THSD7A: variants seen among roughly 807,000 people sequenced by gnomAD.
THSD7A encodes the protein thrombospondin type 1 domain containing 7A.
A neutral mutation model predicts 231.3 loss-of-function variants in THSD7A; 96 were observed. The observed-to-expected ratio is 0.41, with a 90% CI of 0.35 to 0.49. The LOEUF is 0.49. Ranked by LOEUF, THSD7A falls within the 20% of genes least tolerant of loss-of-function variation. The pLI is 0.05. For synonymous variants in THSD7A, 940 were observed against 743.3 expected (o/e 1.26, Z -4.30); for missense variants, 2,290 against 2,070.2 (o/e 1.11, Z -2.06).
At chr7:11,686,228 G>A (rs929205189) in intron 1 of THSD7A, among the ~76,000 whole-genome samples, 1 of 151,730 alleles carries the variant, frequency 6.6e-6, no homozygotes, top group Non-Finnish European at 1.5e-5. Context: ...AAAACTAACT[G>A]TTAGGTACTA....
chr7:11,638,881 T>C lies in THSD7A; in HGVS notation c.191-1920A>G, dbSNP rs117966568. Among the ~76,000 whole-genome samples, 137 of 152,264 alleles carry C rather than the reference T, an allele frequency of 9.0e-4. 1 individual carries two copies. The East Asian group carries it at 0.024, about 27-fold the overall frequency. On this transcript the variant is annotated intron_variant, in intron 1 of 27. Transcript: ENST00000423059. ...AAATATATATTCACAAATCTGGTGA[T>C]ACTTTCTTAAAGATTTTTCTAAATA...
chr7:11,782,067 T>G (rs930350364), intron 1 of THSD7A, among the ~76,000 whole-genome samples: 5 of 152,190 alleles, frequency 3.3e-5, no homozygotes, highest in African/African-American at 1.2e-4. Context: ...CCTGGGAAGA[T>G]ACAGTCACCT....
In THSD7A at chr7:11,503,630, C is replaced by T. The variant is rs538403860; in HGVS notation, c.1823-21648G>A. ...TTTACACAAGAAAAACAAACGACTCCATTAAAAAGTGGGCAAAGGACATGA... is the reference window on the plus strand; with the variant it reads ...TTTACACAAGAAAAACAAACGACTCTATTAAAAAGTGGGCAAAGGACATGA... On this transcript the variant is annotated intron_variant, in intron 6 of 27. Transcript: ENST00000423059. Among the ~76,000 whole-genome samples the T allele has an allele frequency of 2.6e-5, 4 of 152,126 alleles. No individual in the cohort carries two copies. The South Asian group carries it at 8.3e-4, about 32-fold the overall frequency.
intron 1 of THSD7A, among the ~76,000 whole-genome samples, chr7:11,646,410 T>G (rs1397439253): frequency 6.6e-6 from 1 of 152,066 alleles, no homozygotes; most frequent in Non-Finnish European, 1.5e-5. Context: ...TTTGAAGACA[T>G]GACAAGTCTT....
intron 5 of THSD7A, among the ~76,000 whole-genome samples, 196 bp downstream of exon 5, chr7:11,542,766 C>A (rs1030641565): frequency 1.9e-4 from 29 of 152,202 alleles, no homozygotes; most frequent in African/African-American, 7.0e-4. Context: ...AATTAACAAG[C>A]ATTTATGCCT....
chr7:11,760,718 G>A (rs775026063), intron 1 of THSD7A, among the ~76,000 whole-genome samples: 3 of 151,874 alleles, frequency 2.0e-5, no homozygotes, highest in Non-Finnish European at 4.4e-5. Flanking sequence ...CACATACTAT[G>A]TTAATAATAT....
At chr7:11,711,347 C>T (rs148746746) in intron 1 of THSD7A, among the ~76,000 whole-genome samples, 1 of 150,890 alleles carries the variant, frequency 6.6e-6, no homozygotes, top group African/African-American at 2.4e-5. Context: ...TAGGCTCTGC[C>T]GATTATTTGT....
At position 11,831,773 on chromosome 7, in the gene THSD7A, G is replaced by A; in HGVS notation, c.174C>T (p.Leu58=). The part of the protein sequence containing the change: ...AAQGEAEAPT[L]YLWKTGPWGR... ...CCCACTTACCAGTCTTCCACAGATA[G>A]AGGGTGGGCGCCTCCGCCTCGCCCT... Residue 58 remains leucine, a synonymous_variant, in exon 1 of 28, where the codon CTC becomes CTT. Transcript: ENST00000423059. This position sits in a 1 kb window ranked among gnomAD's most constrained non-coding sequence, Gnocchi z 5.0. 1 of 1,479,348 alleles carries A rather than the reference G, an allele frequency of 6.8e-7. No individual in the cohort carries two copies. Among genetic ancestry groups the A allele is most frequent in the Non-Finnish European group, 9.0e-7 (1 of 1,111,918 alleles). 91.6% of individuals were successfully genotyped at this position (1,479,348 alleles called of 1,614,324 possible).
chr7:11,670,946 G>A (rs989877723), intron 1 of THSD7A, among the ~76,000 whole-genome samples: 1 of 152,134 alleles, frequency 6.6e-6, no homozygotes, highest in African/African-American at 2.4e-5. Flanking sequence ...GTCTTAAATG[G>A]TGAGTCTCCT....
intron 1 of THSD7A, among the ~76,000 whole-genome samples, chr7:11,685,627 T>A (rs1208626810): frequency 6.6e-6 from 1 of 151,858 alleles, no homozygotes; most frequent in Non-Finnish European, 1.5e-5. Context: ...AAAGAGCTCA[T>A]CATCACTAAT....
chr7:11,746,249 C>A (rs1782297722), intron 1 of THSD7A, among the ~76,000 whole-genome samples: 1 of 151,840 alleles, frequency 6.6e-6, no homozygotes, highest in South Asian at 2.1e-4. Context: ...ACAGAGTTCC[C>A]ATATAGCCCT....
At chr7:11,793,389 T>C (rs1041551781) in intron 1 of THSD7A, among the ~76,000 whole-genome samples, 2 of 151,878 alleles carry the variant, frequency 1.3e-5, no homozygotes, top group African/African-American at 4.8e-5. Context: ...TTGAAAACAT[T>C]TCTGCCTCTG....
chr7:11,599,195 C>T (rs1780468312), intron 2 of THSD7A, among the ~76,000 whole-genome samples: 1 of 152,146 alleles, frequency 6.6e-6, no homozygotes, highest in Non-Finnish European at 1.5e-5. Context: ...TATTACCATG[C>T]CCTGTGATTA....
chr7:11,808,432 T>G (rs1406761192), intron 1 of THSD7A, among the ~76,000 whole-genome samples: 1 of 152,196 alleles, frequency 6.6e-6, no homozygotes, highest in East Asian at 1.9e-4. Context: ...ACCTTGGTCT[T>G]TGACTTCCCA....
intron 4 of THSD7A, among the ~76,000 whole-genome samples, chr7:11,559,696 C>T (rs1026871263): frequency 2.0e-5 from 3 of 151,810 alleles, no homozygotes; most frequent in African/African-American, 7.3e-5. Flanking sequence ...TTGCAAAAGG[C>T]TAAAATTAAC....
At chr7:11,390,358 T>TCAATCTCTGA (rs1782932468) in intron 23 of THSD7A, among the ~76,000 whole-genome samples, 1 of 152,256 alleles carries the variant, frequency 6.6e-6, no homozygotes, top group Non-Finnish European at 1.5e-5. Context: ...AAGTTGATCT[T>TCAATCTCTGA]CAATCTCTGA....
chr7:11,555,405 A>T (rs1012414075), intron 4 of THSD7A, among the ~76,000 whole-genome samples: 2 of 151,826 alleles, frequency 1.3e-5, no homozygotes, highest in Non-Finnish European at 1.5e-5. Flanking sequence ...TTTTGATTGA[A>T]TTCTAATTTG....
At chr7:11,518,194 C>T (rs912526330) in intron 6 of THSD7A, among the ~76,000 whole-genome samples, 6 of 152,120 alleles carry the variant, frequency 3.9e-5, no homozygotes, top group Non-Finnish European at 7.4e-5. Context: ...TACTATCTTA[C>T]AGTTTAAATT....
At chr7:11,631,123 C>T (rs1280133118) in intron 2 of THSD7A, among the ~76,000 whole-genome samples, 3 of 152,198 alleles carry the variant, frequency 2.0e-5, no homozygotes, top group African/African-American at 7.2e-5. Flanking sequence ...TTCCCCCCAC[C>T]AGATTGGGAT....
Sources: allele counts gnomAD v4.1 joint callset (sites outside exome capture counted in the v4.1 genomes callset), GRCh38; gene constraint gnomAD v4.1.1; non-coding constraint Gnocchi (gnomAD v3.1); transcripts MANE v1.5; gene names NCBI Gene and HGNC (gene_info 2026-07-23, HGNC 2026-07-21).